The following NFIA variants were observed in gnomAD, a reference collection of about 807,000 sequenced individuals.
NFIA encodes nuclear factor 1 A-type.
NFIA carries 8 observed loss-of-function variants against 62.8 expected under a neutral mutation model. The observed-to-expected ratio is 0.13, with a 90% confidence interval of 0.07 to 0.23. NFIA has a LOEUF of 0.23. Among genes scored for constraint, NFIA ranks in the 10% least tolerant of loss-of-function variants. NFIA has a pLI of 1.00. For synonymous variants in NFIA, 235 were observed against 238.1 expected, an observed-to-expected ratio of 0.99 and a Z score of 0.12; for missense variants, 410 against 642.1, an observed-to-expected ratio of 0.64 and a Z score of 3.91.
chr1:61,290,468 T>G (rs950257471), intron 3 of NFIA, among the ~76,000 whole-genome samples: 3 of 152,208 alleles, frequency 2.0e-5, no homozygotes, highest in Non-Finnish European at 4.4e-5. Context: ...CAAAGTTCAT[T>G]AGGATATCTG....
chr1:61,310,597 C>T (rs187257725), intron 3 of NFIA, among the ~76,000 whole-genome samples: 105 of 152,260 alleles, frequency 6.9e-4, no homozygotes, highest in Non-Finnish European at 1.2e-3. Flanking sequence ...ATGCCAGTCA[C>T]GTCCCAGTTA....
At position 61,235,492 on chromosome 1, in the gene NFIA, AAATAAATAAAT is replaced by A. The variant is rs1654943186; in HGVS notation, c.560-42025_560-42015del. 5.5e-5 allele frequency among the ~76,000 whole-genome samples: 8 copies of A among 146,612 alleles called. No homozygotes were observed. The South Asian group carries it at 1.5e-3, about 27-fold the overall frequency. On this transcript the variant is annotated intron_variant, in intron 2 of 10. Coordinates refer to ENST00000403491, the MANE Select transcript of NFIA (RefSeq NM_001134673.4). ...TAAATAAATAAATAAATAAATAAATAAATAAATAAATAAAAATAAAAAATAAAAAAAAATGA... is the reference window on the plus strand; with the variant it reads ...TAAATAAATAAATAAATAAATAAATAAAAAATAAAAAATAAAAAAAAATGA...
At chr1:61,296,122 T>C (rs1659178364) in intron 3 of NFIA, among the ~76,000 whole-genome samples, 1 of 152,194 alleles carries the variant, frequency 6.6e-6, no homozygotes, top group Non-Finnish European at 1.5e-5. Context: ...CATTCTAAGA[T>C]TTTCAAACAT....
intron 2 of NFIA, among the ~76,000 whole-genome samples, chr1:61,245,600 C>CT (rs1236798217): frequency 2.6e-5 from 4 of 152,014 alleles, no homozygotes; most frequent in African/African-American, 9.7e-5. Context: ...TCATTATATT[C>CT]TACAAAGGTC....
chr1:61,120,717 A>G (rs1029155142), intron 2 of NFIA, among the ~76,000 whole-genome samples: 3 of 152,236 alleles, frequency 2.0e-5, no homozygotes, highest in Non-Finnish European at 4.4e-5. Context: ...GTTATTAACA[A>G]TCTGCAGTTA....
chr1:61,442,200 C>T lies in NFIA; in HGVS notation c.1513-13103C>T, dbSNP rs562411884. On this transcript the variant is annotated intron_variant, in intron 10 of 10. Coordinates refer to ENST00000403491, the MANE Select transcript of NFIA (RefSeq NM_001134673.4). ...GGAGTACAGGAGAGAAGCGTTACTCCTCCCGGTGCCAGATTCGCTTCCAGG... is the reference window on the plus strand; with the variant it reads ...GGAGTACAGGAGAGAAGCGTTACTCTTCCCGGTGCCAGATTCGCTTCCAGG... Among the ~76,000 whole-genome samples, 642 of 152,228 alleles carry T rather than the reference C, an allele frequency of 4.2e-3. 1 individual carries two copies. Among genetic ancestry groups the T allele is most frequent in the African/African-American group, 0.015 (616 of 41,538 alleles).
intron 2 of NFIA, among the ~76,000 whole-genome samples, chr1:61,141,114 G>T (rs1027623770): frequency 6.6e-6 from 1 of 151,800 alleles, no homozygotes; most frequent in African/African-American, 2.4e-5. Context: ...TTGAAGAAGA[G>T]ATTTCTTAGA....
intron 3 of NFIA, among the ~76,000 whole-genome samples, chr1:61,295,260 T>A (rs1659129611): frequency 6.6e-6 from 1 of 152,190 alleles, no homozygotes; most frequent in African/African-American, 2.4e-5. Flanking sequence ...CAAAGCTGAC[T>A]GACATGAAGA....
chr1:61,260,764 T>C (rs1183452706), intron 2 of NFIA, among the ~76,000 whole-genome samples: 1 of 152,060 alleles, frequency 6.6e-6, no homozygotes, highest in Non-Finnish European at 1.5e-5. Context: ...GTATTTTTAG[T>C]AGAGACGGGG....
intron 2 of NFIA, among the ~76,000 whole-genome samples, chr1:61,178,629 A>T (rs1650554890): frequency 6.6e-6 from 1 of 152,214 alleles, no homozygotes; most frequent in African/African-American, 2.4e-5. Flanking sequence ...ATTGGAAGTC[A>T]TCCACTTGTT....
chr1:61,246,393 C>T (rs757218399), intron 2 of NFIA, among the ~76,000 whole-genome samples: 15 of 151,906 alleles, frequency 9.9e-5, no homozygotes, highest in Non-Finnish European at 1.5e-4. Flanking sequence ...ACCTTTATGC[C>T]GTATACTTAA....
Position 61,415,487 on chromosome 1 carries a change from A to G in NFIA, c.1420+8760A>G, listed in dbSNP as rs80022883. The stretch of plus-strand genomic sequence containing the variant: ...AATTATTTTTAAAAGTTAGTAAGAG[A>G]AAGACCAACAATCCAATAGAAAGAC... On this transcript the variant is annotated intron_variant, in intron 9 of 10. Coordinates refer to ENST00000403491, the MANE Select transcript of NFIA (RefSeq NM_001134673.4). Among the ~76,000 whole-genome samples the G allele has an allele frequency of 2.9e-3, 448 of 152,292 alleles. 3 individuals are homozygous for G. The highest frequency in any genetic ancestry group is 0.01 in the African/African-American group (434 of 41,582).
intron 2 of NFIA, among the ~76,000 whole-genome samples, chr1:61,220,398 T>C (rs929908784): frequency 6.6e-5 from 10 of 152,212 alleles, no homozygotes; most frequent in Non-Finnish European, 1.2e-4. Flanking sequence ...CTCGCTACTT[T>C]ATTATAACAT....
chr1:61,439,984 G>A (rs1353714488), intron 10 of NFIA, among the ~76,000 whole-genome samples: 6 of 152,184 alleles, frequency 3.9e-5, no homozygotes, highest in Middle Eastern at 3.4e-3. Flanking sequence ...CTGTGTGAAC[G>A]GACAAAACTG....
chr1:61,233,906 C>G (rs1028833294), intron 2 of NFIA, among the ~76,000 whole-genome samples: 2 of 152,096 alleles, frequency 1.3e-5, no homozygotes, highest in African/African-American at 4.8e-5. Context: ...ACATTAGTTT[C>G]AATAGTTGCT....
intron 3 of NFIA, among the ~76,000 whole-genome samples, chr1:61,331,650 C>G (rs1347867447): frequency 6.6e-6 from 1 of 152,136 alleles, no homozygotes; most frequent in Admixed American, 6.5e-5. Context: ...CAACTAGACT[C>G]TACCTGTGTG....
At chr1:61,424,072 A>C (rs1459505184) in intron 9 of NFIA, among the ~76,000 whole-genome samples, 2 of 152,008 alleles carry the variant, frequency 1.3e-5, no homozygotes, top group African/African-American at 2.4e-5. Context: ...CTAGAATCAA[A>C]TTTCTAGAAG....
intron 10 of NFIA, among the ~76,000 whole-genome samples, chr1:61,437,265 G>A (rs1269086007): frequency 6.6e-6 from 1 of 152,174 alleles, no homozygotes; most frequent in Non-Finnish European, 1.5e-5. Context: ...CCCTGGCAGT[G>A]TGTCTGTGCA....
intron 2 of NFIA, among the ~76,000 whole-genome samples, chr1:61,170,693 G>A (rs1378033014): frequency 6.6e-6 from 1 of 151,990 alleles, no homozygotes; most frequent in Non-Finnish European, 1.5e-5. Flanking sequence ...TGCATTCTTC[G>A]TGGTGTATAG....
Sources: allele counts gnomAD v4.1 joint callset (sites outside exome capture counted in the v4.1 genomes callset), GRCh38; gene constraint gnomAD v4.1.1; transcripts MANE v1.5; gene names NCBI Gene and HGNC (gene_info 2026-07-23, HGNC 2026-07-21).